Variants in NALCN observed in about 807,000 individuals in gnomAD.
The protein encoded by NALCN is sodium leak channel NALCN.
In NALCN, 111 loss-of-function variants were observed where a neutral mutation model predicts 225.3. The observed-to-expected ratio is 0.49, with a 90% CI of 0.42 to 0.58. The LOEUF (loss-of-function observed/expected upper bound fraction) is 0.58, where lower values mean the gene tolerates loss of function less well. NALCN is among the 20% of genes least tolerant of loss of function. The pLI is 0.00. For missense variants in NALCN, 1,378 were observed against 2,202.4 expected (o/e 0.63, Z 7.49); for synonymous variants, 764 against 769.0 (o/e 0.99, Z 0.11).
At chr13:101,403,014 G>C (rs1470419984) in intron 1 of NALCN, among the ~76,000 whole-genome samples, 3 of 151,980 alleles carry the variant, frequency 2.0e-5, no homozygotes, top group Non-Finnish European at 4.4e-5. Context: ...GTAGGCCATG[G>C]GCCCTCAGGT....
intron 3 of NALCN, among the ~76,000 whole-genome samples, chr13:101,382,719 T>C (rs2046885125): frequency 6.6e-6 from 1 of 152,212 alleles, no homozygotes; most frequent in Non-Finnish European, 1.5e-5. Flanking sequence ...ACCTCAGTTA[T>C]AAAAACTGGC....
At chr13:101,408,713 C>T (rs571224906) in intron 1 of NALCN, among the ~76,000 whole-genome samples, 3 of 152,254 alleles carry the variant, frequency 2.0e-5, no homozygotes, top group African/African-American at 7.2e-5. Context: ...CCAAATGCCA[C>T]CTGCCACTTT....
At chr13:101,102,176 G>A (rs1234311838) in intron 26 of NALCN, among the ~76,000 whole-genome samples, 1 of 151,980 alleles carries the variant, frequency 6.6e-6, no homozygotes, top group African/African-American at 2.4e-5. Flanking sequence ...TCAGCTACTT[G>A]GGAGGCTGAG....
At chr13:101,083,608 C>A in intron 31 of NALCN, 103 bp downstream of exon 31, 3 of 1,118,612 alleles carry the variant, frequency 2.7e-6, no homozygotes, top group Middle Eastern at 2.8e-4. Flanking sequence ...TATGCACAAC[C>A]TCCCAGCGGC....
chr13:101,102,214 T>A (rs138284193), intron 26 of NALCN, among the ~76,000 whole-genome samples: 48 of 151,608 alleles, frequency 3.2e-4, no homozygotes, highest in African/African-American at 1.2e-3. Flanking sequence ...ACCCAGTAGG[T>A]GGAAGTTGCA....
chr13:101,200,382 A>G (rs1265887204), intron 13 of NALCN, among the ~76,000 whole-genome samples: 1 of 152,176 alleles, frequency 6.6e-6, no homozygotes, highest in Non-Finnish European at 1.5e-5. Context: ...CCTTGCTTCC[A>G]GTTCTGCATT....
chr13:101,105,678 T>C (rs2035058435), intron 22 of NALCN, among the ~76,000 whole-genome samples: 1 of 152,142 alleles, frequency 6.6e-6, no homozygotes, highest in Non-Finnish European at 1.5e-5. Context: ...ATCTCCAAAA[T>C]GGCATTTTCT....
chr13:101,203,330 C>T (rs1352907409), intron 13 of NALCN, among the ~76,000 whole-genome samples: 3 of 152,192 alleles, frequency 2.0e-5, no homozygotes, highest in African/African-American at 7.2e-5. Flanking sequence ...ATTCTCCTGC[C>T]TCAGTCTCCT....
In NALCN at chr13:101,251,652, C is replaced by T. The variant is rs548350383; in HGVS notation, c.1266+6791G>A. 3.8e-4 allele frequency among the ~76,000 whole-genome samples: 57 copies of T among 151,966 alleles called. 1 individual carries two copies. Among genetic ancestry groups the T allele is most frequent in the Admixed American group, 4.6e-4 (7 of 15,274 alleles). ...AATTTCAAAAAGAAGGAAAAATAAC[C>T]ATAGAAAAAGAATCCTGCAAAATAA... On this transcript the variant is annotated intron_variant, in intron 11 of 43. Transcript: ENST00000251127.
chr13:101,229,062 CTT>C (rs1342789757), intron 13 of NALCN, among the ~76,000 whole-genome samples: 3 of 152,172 alleles, frequency 2.0e-5, no homozygotes, highest in Non-Finnish European at 4.4e-5. Context: ...TGTTAACTCT[CTT>C]GAACACAAAA....
rs2035743503 is a variant in NALCN at position 101,116,900 on chromosome 13, T to A, written c.2193-5674A>T. ...AACTAAGAGAATAGATAATGAGTAT[T>A]TCCTGGAAATGGCTCTTACCTGACT... On this transcript the variant is annotated intron_variant, in intron 18 of 43. Coordinates refer to ENST00000251127, the MANE Select transcript of NALCN (RefSeq NM_052867.4). 6.0e-6 allele frequency: 3 copies of A among 501,908 alleles called. No homozygotes were observed. In the Admixed American group the frequency reaches 6.1e-5, roughly 10 times the overall value. 31.1% of individuals were successfully genotyped at this position (501,908 alleles called of 1,614,324 possible). A position where few individuals can be genotyped will look rare whatever the true frequency, so the allele number is the denominator to read the frequency against.
intron 17 of NALCN, among the ~76,000 whole-genome samples, chr13:101,140,179 A>T (rs768037435): frequency 1.8e-4 from 28 of 152,134 alleles, no homozygotes; most frequent in Non-Finnish European, 3.8e-4. Flanking sequence ...CCACTTTCCA[A>T]GTGGGAGCAA....
chr13:101,124,464 A>G (rs2036133244), intron 18 of NALCN, 144 bp downstream of exon 18: 2 of 681,330 alleles, frequency 2.9e-6, no homozygotes, highest in Non-Finnish European at 2.4e-6. Context: ...TACATTGTTT[A>G]TAAGTACATA....
At position 101,378,556 on chromosome 13, in the gene NALCN, AAAT is replaced by A. The variant is rs1485221303; in HGVS notation, c.375+11_375+13del. On this transcript the variant is annotated intron_variant, in intron 4 of 43. Transcript: ENST00000251127. ...GGAGAATACCTGCTTGTAATTTAAA[AAAT>A]ATTTAATTACCTGTAGCACCAAAGA... 6.3e-7 allele frequency: 1 copy of A among 1,585,706 alleles called. No individual in the cohort carries two copies. Among genetic ancestry groups the A allele is most frequent in the African/African-American group, 1.3e-5 (1 of 74,092 alleles).
intron 28 of NALCN, among the ~76,000 whole-genome samples, chr13:101,091,639 T>C (rs549679402): frequency 8.3e-4 from 126 of 152,318 alleles, no homozygotes; most frequent in African/African-American, 3.0e-3. Context: ...TTGGGATGTT[T>C]CCACTAAATT....
chr13:101,300,336 CTTCTTT>C (rs1271456124), intron 7 of NALCN, among the ~76,000 whole-genome samples: 1 of 136,208 alleles, frequency 7.3e-6, no homozygotes, highest in African/African-American at 3.1e-5. Context: ...TCCTTCCTTC[CTTCTTT>C]TTCTTTTTCT....
At chr13:101,266,316 G>A (rs2042596398) in intron 10 of NALCN, among the ~76,000 whole-genome samples, 1 of 151,998 alleles carries the variant, frequency 6.6e-6, no homozygotes, top group African/African-American at 2.4e-5. Flanking sequence ...ATCTTGAAAT[G>A]GACCGTGAAC....
chr13:101,190,118 A>AT (rs918882052), intron 14 of NALCN, among the ~76,000 whole-genome samples: 31 of 152,220 alleles, frequency 2.0e-4, no homozygotes, highest in African/African-American at 7.2e-4. Context: ...TCCAGCTTTC[A>AT]TTTTTTGTGT....
At chr13:101,401,219 AATTT>A (rs962084548) in intron 1 of NALCN, among the ~76,000 whole-genome samples, 4 of 152,122 alleles carry the variant, frequency 2.6e-5, no homozygotes, top group Non-Finnish European at 4.4e-5. Flanking sequence ...TGCACTAATT[AATTT>A]ATGTTATATA....
Sources: gnomAD v4.1 joint callset for allele counts (sites outside exome capture counted in the v4.1 genomes callset) on GRCh38, gnomAD v4.1.1 for gene constraint, MANE v1.5 for transcripts, NCBI Gene and HGNC (gene_info 2026-07-23, HGNC 2026-07-21) for gene names.